YTHDC1: variants seen among roughly 807,000 people sequenced by gnomAD.
The protein encoded by YTHDC1 is YTH domain-containing protein 1.
YTHDC1 carries 12 observed loss-of-function variants against 107.0 expected under a neutral mutation model. The observed-to-expected ratio is 0.11, with a 90% CI of 0.07 to 0.18. The LOEUF is 0.18. Ranked by LOEUF, YTHDC1 falls within the 10% of genes least tolerant of loss-of-function variation. The pLI is 1.00. For missense variants in YTHDC1, 635 were observed against 898.8 expected, an observed-to-expected ratio of 0.71 and a Z score of 3.75; for synonymous variants, 280 against 289.5, an observed-to-expected ratio of 0.97 and a Z score of 0.33.
At chr4:68,342,043 A>G (rs1337393170) in intron 1 of YTHDC1, among the ~76,000 whole-genome samples, 2 of 152,200 alleles carry the variant, frequency 1.3e-5, no homozygotes, top group African/African-American at 4.8e-5. Context: ...GGTCCAGAAC[A>G]CAAAACAAAA....
Position 68,337,256 on chromosome 4 carries a change from A to G in YTHDC1, c.654T>C (p.Asp218=). 1 of 1,598,992 alleles carries G rather than the reference A, an allele frequency of 6.3e-7. No individual in the cohort carries two copies. Among genetic ancestry groups the G allele is most frequent in the Non-Finnish European group, 8.5e-7 (1 of 1,172,760 alleles). Residue 218 remains aspartate (D), a synonymous_variant, in exon 4 of 17, where the codon GAT becomes GAC. Transcript: ENST00000344157. ...CATCCACCTCTTCATCTTCTTCTGC[A>G]TCTTCTTCTACTTCTTCATCTTCCT... is the stretch of plus-strand genomic sequence containing the variant. The part of the protein sequence containing the change: ...DVEEDEEVEE[D]AEEDEEVDED...
At chr4:68,328,718 T>C (rs1723255112) in intron 9 of YTHDC1, among the ~76,000 whole-genome samples, 1 of 152,230 alleles carries the variant, frequency 6.6e-6, no homozygotes, top group Non-Finnish European at 1.5e-5. Context: ...ATCAACCTAA[T>C]ACAGTTATGT....
At chr4:68,340,878 T>G (rs1429193289) in intron 1 of YTHDC1, among the ~76,000 whole-genome samples, 1 of 152,068 alleles carries the variant, frequency 6.6e-6, no homozygotes, top group Non-Finnish European at 1.5e-5. Context: ...TTAAATAAAT[T>G]TAAGTTTCAA....
Position 68,332,700 on chromosome 4 carries a change from T to C in YTHDC1, c.1027+94A>G, listed in dbSNP as rs1578050144. The C allele has an allele frequency of 5.4e-6, 6 of 1,120,494 alleles. No homozygotes were observed. In the Admixed American group the frequency reaches 8.3e-5, roughly 16 times the overall value. 69.4% of individuals were successfully genotyped at this position (1,120,494 alleles called of 1,614,324 possible). A position where few individuals can be genotyped will look rare whatever the true frequency, so the allele number is the denominator to read the frequency against. On this transcript the variant is annotated intron_variant, in intron 6 of 16. Transcript: ENST00000344157. ...TGCTTCATGTAATATATCGGAACAT[T>C]ACTACATTAAAAGCAGCTATTAATG...
chr4:68,329,039 G>T (rs543804012), intron 9 of YTHDC1, among the ~76,000 whole-genome samples: 1 of 152,318 alleles, frequency 6.6e-6, no homozygotes, highest in South Asian at 2.1e-4. Context: ...TCACTACACA[G>T]TAAGTGACTG....
intron 1 of YTHDC1, among the ~76,000 whole-genome samples, chr4:68,340,008 C>T (rs2109735414): frequency 6.6e-6 from 1 of 152,212 alleles, no homozygotes; most frequent in African/African-American, 2.4e-5. Context: ...ATATCAAAAA[C>T]ATCTTTCCAA....
At chr4:68,340,848 T>TACATGCTA (rs1724729844) in intron 1 of YTHDC1, among the ~76,000 whole-genome samples, 1 of 152,078 alleles carries the variant, frequency 6.6e-6, no homozygotes, top group African/African-American at 2.4e-5. Flanking sequence ...CAGAATGAAA[T>TACATGCTA]AATTTTGCAG....
At chr4:68,327,464 A>G (rs1723124140) in intron 9 of YTHDC1, among the ~76,000 whole-genome samples, 1 of 152,090 alleles carries the variant, frequency 6.6e-6, no homozygotes, top group Non-Finnish European at 1.5e-5. Context: ...TCTGGTCCCA[A>G]TCTTCCATGT....
chr4:68,343,202 T>C (rs969541163), intron 1 of YTHDC1, among the ~76,000 whole-genome samples: 1 of 152,084 alleles, frequency 6.6e-6, no homozygotes, highest in African/African-American at 2.4e-5. Context: ...ACTTTTTTTT[T>C]AATTTGTTTT....
At chr4:68,334,022 TAG>T (rs1472380263) in intron 4 of YTHDC1, among the ~76,000 whole-genome samples, 2 of 152,182 alleles carry the variant, frequency 1.3e-5, no homozygotes, top group Non-Finnish European at 2.9e-5. Context: ...ATTTTAATGG[TAG>T]CCTGTGTATT....
At chr4:68,342,580 T>G (rs57105149) in intron 1 of YTHDC1, among the ~76,000 whole-genome samples, 34,403 of 152,206 alleles carry the variant, frequency 0.23, 4,548 homozygotes, top group East Asian at 0.55. Context: ...GTAAATATTT[T>G]AATTATATAC....
chr4:68,337,788 G>A lies in YTHDC1; in HGVS notation c.243C>T (p.Asn81=), dbSNP rs544423849. The change falls in exon 3 of 17, where the codon AAC becomes AAT. Residue 81 remains asparagine, a synonymous_variant. Coordinates refer to ENST00000344157, the MANE Select transcript of YTHDC1 (RefSeq NM_001031732.4). Reference sequence around the variant, plus strand: ...TTCCTTTTGTACTAACTATTCTTTTGTTATTGCTAACAGATGAGCTCAGTG... The same window carrying A: ...TTCCTTTTGTACTAACTATTCTTTTATTATTGCTAACAGATGAGCTCAGTG... ...SKPLSSSVSN[N]KRIVSTKGKS... is the part of the protein sequence containing the mutation. 5.0e-6 allele frequency: 8 copies of A among 1,613,790 alleles called. No homozygotes were observed. The African/African-American group carries it at 1.1e-4, about 22-fold the overall frequency.
chr4:68,322,953 G>A lies in YTHDC1; in HGVS notation c.1435-38C>T. The A allele has an allele frequency of 1.9e-6, 3 of 1,598,864 alleles. No individual in the cohort carries two copies. Among genetic ancestry groups the A allele is most frequent in the Non-Finnish European group, 1.7e-6 (2 of 1,169,594 alleles). ...AGTAGCAATTTATAAAACAAAAACA[G>A]ACCCTTTCAACAGACTTGCATTTTC... On this transcript the variant is annotated intron_variant, in intron 10 of 16. Transcript: ENST00000344157. The surrounding 1 kb of genome is among the most constrained non-coding windows in gnomAD (Gnocchi z 4.8).
chr4:68,333,447 G>T, intron 4 of YTHDC1, 50 bp from the exon 5 acceptor site: 3 of 1,343,400 alleles, frequency 2.2e-6, no homozygotes, highest in East Asian at 2.3e-5. Context: ...GAAACGAAGA[G>T]AAGTAATCAA....
In YTHDC1 at chr4:68,350,038, G is replaced by A; in HGVS notation, c.-285C>T. The A allele has an allele frequency of 1.8e-6, 1 of 550,374 alleles. No homozygotes were observed. Among genetic ancestry groups the A allele is most frequent in the Non-Finnish European group, 3.2e-6 (1 of 309,610 alleles). 34.1% of individuals were successfully genotyped at this position (550,374 alleles called of 1,614,324 possible). A position where few individuals can be genotyped will look rare whatever the true frequency, so the allele number is the denominator to read the frequency against. Reference sequence around the variant, plus strand: ...GAAGGGAAACAGATGGCGACGGCGGGCGGCGCTAAAATGGAGCCTGCTTCC... The same window carrying A: ...GAAGGGAAACAGATGGCGACGGCGGACGGCGCTAAAATGGAGCCTGCTTCC... On this transcript the variant is annotated 5_prime_UTR_variant, in exon 1 of 17. Coordinates refer to ENST00000344157, the MANE Select transcript of YTHDC1 (RefSeq NM_001031732.4).
chr4:68,338,343 G>C lies in YTHDC1; in HGVS notation c.70C>G (p.Pro24Ala). Residue 24 changes from proline to alanine, a missense_variant, in exon 2 of 17, where the codon CCA (proline) becomes GCA (alanine). By Grantham distance (27) the Pro-to-Ala change is conservative (BLOSUM62 -1). Coordinates refer to ENST00000344157, the MANE Select transcript of YTHDC1 (RefSeq NM_001031732.4). ...NVLDDILTEV[P>A]EQDDELYNPE... ...TTATACAGTTCATCATCTTGTTCTG[G>C]TACTTCAGTTAAAATATCATCCAGA... 1 of 1,605,486 alleles carries C rather than the reference G, an allele frequency of 6.2e-7. No individual in the cohort carries two copies. Among genetic ancestry groups the C allele is most frequent in the Non-Finnish European group, 8.5e-7 (1 of 1,177,090 alleles).
intron 1 of YTHDC1, among the ~76,000 whole-genome samples, chr4:68,346,137 T>TG (rs981318070): frequency 4.0e-5 from 6 of 149,348 alleles, no homozygotes; most frequent in Non-Finnish European, 8.9e-5. Flanking sequence ...GTATAACGGC[T>TG]GGGCACGGTG....
intron 9 of YTHDC1, among the ~76,000 whole-genome samples, chr4:68,329,597 T>C (rs1723357469): frequency 6.6e-6 from 1 of 152,182 alleles, no homozygotes; most frequent in Admixed American, 6.5e-5. Flanking sequence ...CTTAACTCAG[T>C]TTCAGAAGAT....
chr4:68,334,416 A>C (rs773150588), intron 4 of YTHDC1, among the ~76,000 whole-genome samples: 1 of 151,804 alleles, frequency 6.6e-6, no homozygotes, highest in Non-Finnish European at 1.5e-5. Flanking sequence ...ACAGATGAAG[A>C]AACCTTGAAT....
Sources: allele counts gnomAD v4.1 joint callset (sites outside exome capture counted in the v4.1 genomes callset), GRCh38; gene constraint gnomAD v4.1.1; non-coding constraint Gnocchi (gnomAD v3.1); transcripts MANE v1.5; gene names NCBI Gene and HGNC (gene_info 2026-07-23, HGNC 2026-07-21).